The following AVEN variants were observed in gnomAD, a reference collection of about 807,000 sequenced individuals.
AVEN encodes the protein cell death regulator Aven.
In AVEN, 41 loss-of-function variants were observed where a neutral mutation model predicts 38.1. The observed-to-expected ratio is 1.08, with a 90% confidence interval of 0.84 to 1.40. The LOEUF is 1.40. AVEN is among the 40% of genes most tolerant of loss of function. AVEN has a pLI of 0.00. For missense variants in AVEN, 605 were observed against 438.8 expected, an observed-to-expected ratio of 1.38 and a Z score of -3.38; for synonymous variants, 206 against 171.8, an observed-to-expected ratio of 1.20 and a Z score of -1.56.
intron 2 of AVEN, among the ~76,000 whole-genome samples, chr15:33,881,611 A>G (rs186239307): frequency 1.2e-3 from 181 of 152,374 alleles, no homozygotes; most frequent in African/African-American, 3.9e-3. Flanking sequence ...TATGAATCCT[A>G]GAACTAAAAG....
At chr15:34,047,773 T>TAG (rs10632950) in intron 5 of AVEN, among the ~76,000 whole-genome samples, 121,331 of 151,780 alleles carry the variant, frequency 0.8, 48,785 homozygotes, top group East Asian at 1. Context: ...TTTTTGGAGA[T>TAG]AGTCTCACTT....
chr15:33,865,275 A>G (rs1555500796), downstream of AVEN: 2 of 1,329,962 alleles, frequency 1.5e-6, no homozygotes, highest in South Asian at 2.4e-5. Context: ...CTTCCCATGA[A>G]ATAAAGTCCC....
At chr15:33,853,755 T>A in the AVEN span, 2 of 1,546,134 alleles carry the variant, frequency 1.3e-6, no homozygotes, top group Admixed American at 1.9e-5. Context: ...TAGGAAAAAA[T>A]CACAACCGTG....
chr15:33,902,852 AAACT>A (rs1416860176), intron 2 of AVEN, among the ~76,000 whole-genome samples: 4 of 149,962 alleles, frequency 2.7e-5, no homozygotes, highest in Admixed American at 2.0e-4. Flanking sequence ...TAGCTTAATT[AAACT>A]AATTAATTTA....
intron 2 of AVEN, among the ~76,000 whole-genome samples, chr15:33,918,308 T>C (rs1893235645): frequency 6.6e-6 from 1 of 152,196 alleles, no homozygotes; most frequent in African/African-American, 2.4e-5. Flanking sequence ...ATTTAGCTCC[T>C]ACTATGTACT....
At chr15:33,879,267 T>C (rs1000884836) in intron 2 of AVEN, among the ~76,000 whole-genome samples, 8 of 150,890 alleles carry the variant, frequency 5.3e-5, no homozygotes, top group African/African-American at 9.8e-5. Flanking sequence ...ATGGATGAAA[T>C]TGGAAATCAT....
intron 2 of AVEN, among the ~76,000 whole-genome samples, chr15:33,878,707 A>C (rs1891356801): frequency 6.6e-6 from 1 of 152,202 alleles, no homozygotes; most frequent in East Asian, 1.9e-4. Context: ...AATACGTATT[A>C]ATCTAATAAT....
At chr15:33,923,473 T>C (rs1893482990) in intron 2 of AVEN, among the ~76,000 whole-genome samples, 1 of 152,204 alleles carries the variant, frequency 6.6e-6, no homozygotes, top group African/African-American at 2.4e-5. Context: ...AGAGCTGAGA[T>C]GGGCAAACTT....
chr15:33,867,539 T>G lies in AVEN; in HGVS notation c.929A>C (p.Asp310Ala). 6.2e-7 allele frequency: 1 copy of G among 1,606,724 alleles called. No individual in the cohort carries two copies. The highest frequency in any genetic ancestry group is 2.2e-5 in the East Asian group (1 of 44,834). Residue 310 changes from aspartate (D) to alanine (A), a missense_variant, in exon 5 of 6, where the codon GAC (aspartate) becomes GCC (alanine). Coordinates refer to ENST00000306730, the MANE Select transcript of AVEN (RefSeq NM_020371.3). Reference protein sequence around the residue: ...DNILPDQTSQDLKSKEDGEVV... With the variant: ...DNILPDQTSQALKSKEDGEVV... Reference sequence around the variant, plus strand: ...CTCCCCATCTTCCTTGGATTTCAGGTCCTGAGACGTCTGATCTGGTAAGAT... The same window carrying G: ...CTCCCCATCTTCCTTGGATTTCAGGGCCTGAGACGTCTGATCTGGTAAGAT...
At position 33,866,654 on chromosome 15, in the gene AVEN, C is replaced by T. The variant is rs1890549858; in HGVS notation, c.1048G>A (p.Glu350Lys). Residue 350 changes from glutamate to lysine, a missense_variant, in exon 6 of 6, where the codon GAG becomes AAG. Transcript: ENST00000306730. The stretch of plus-strand genomic sequence containing the variant: ...TCCAACCAGTCTTCCAGCTCTTCCT[C>T]GGTAACATTTTTGGAGGTACTTGGT... The part of the protein sequence containing the change: ...EQPSTSKNVT[E>K]EELEDWLDSM... 3.7e-6 allele frequency: 6 copies of T among 1,613,868 alleles called. No individual in the cohort carries two copies. Among genetic ancestry groups the T allele is most frequent in the East Asian group, 2.2e-5 (1 of 44,890 alleles).
chr15:33,918,331 C>T (rs1199745238), intron 2 of AVEN, among the ~76,000 whole-genome samples: 7 of 152,006 alleles, frequency 4.6e-5, no homozygotes, highest in African/African-American at 1.7e-4. Flanking sequence ...TAAAATCAAA[C>T]TAATAATAGG....
chr15:34,023,867 T>C (rs529305003), intron 1 of AVEN, among the ~76,000 whole-genome samples: 1 of 152,198 alleles, frequency 6.6e-6, no homozygotes, highest in Admixed American at 6.5e-5. Context: ...GCCACGTTTT[T>C]GGCCAGGGAA....
chr15:33,949,239 G>A lies in AVEN; in HGVS notation c.445+53793C>T, dbSNP rs570832208. On this transcript the variant is annotated intron_variant, in intron 2 of 5. Coordinates refer to ENST00000306730, the MANE Select transcript of AVEN (RefSeq NM_020371.3). Reference sequence around the variant, plus strand: ...GACAGGATTTCACCGTGTTAGCCAGGATGGTCTCAATCTCCTGACCTCATG... The same window carrying A: ...GACAGGATTTCACCGTGTTAGCCAGAATGGTCTCAATCTCCTGACCTCATG... Among the ~76,000 whole-genome samples the A allele has an allele frequency of 4.3e-3, 650 of 151,218 alleles. 10 individuals are homozygous for A. The highest frequency in any genetic ancestry group is 6.7e-3 in the Non-Finnish European group (455 of 67,832).
downstream of AVEN, chr15:33,857,838 T>G (rs1228927715): frequency 6.2e-7 from 1 of 1,614,238 alleles, no homozygotes; most frequent in Non-Finnish European, 8.5e-7. Flanking sequence ...GTGGTGGCTT[T>G]CAACTTCTTC....
At chr15:33,923,735 C>A (rs188506418) in intron 2 of AVEN, among the ~76,000 whole-genome samples, 1 of 152,026 alleles carries the variant, frequency 6.6e-6, no homozygotes, top group African/African-American at 2.4e-5. Context: ...GGCCACACAG[C>A]AGGAGGTAAG....
At chr15:33,913,323 A>T (rs894170289) in intron 2 of AVEN, among the ~76,000 whole-genome samples, 1 of 152,250 alleles carries the variant, frequency 6.6e-6, no homozygotes, top group Non-Finnish European at 1.5e-5. Context: ...TTGGTATTAA[A>T]AGGAGTAGAT....
At chr15:33,974,039 G>A (rs1034783328) in intron 2 of AVEN, among the ~76,000 whole-genome samples, 1 of 152,126 alleles carries the variant, frequency 6.6e-6, no homozygotes, top group Non-Finnish European at 1.5e-5. Flanking sequence ...ATCTGTTAGG[G>A]ATAGTATATG....
chr15:34,018,330 C>G (rs965438479), intron 1 of AVEN: 5 of 152,210 alleles, frequency 3.3e-5, no homozygotes, highest in African/African-American at 1.2e-4. Flanking sequence ...AGCCGCAGAC[C>G]GTCGCGGTGT....
chr15:33,900,627 C>CAAAAAA (rs34818160), intron 2 of AVEN, among the ~76,000 whole-genome samples: 1 of 148,552 alleles, frequency 6.7e-6, no homozygotes. Flanking sequence ...TTTTTAAATA[C>CAAAAAA]AAAAAAAAAA....
Sources: gnomAD v4.1 joint callset for allele counts (sites outside exome capture counted in the v4.1 genomes callset) on GRCh38, gnomAD v4.1.1 for gene constraint, MANE v1.5 for transcripts, NCBI Gene and HGNC (gene_info 2026-07-23, HGNC 2026-07-21) for gene names.